SPATA13: variants seen among roughly 807,000 people sequenced by gnomAD.
SPATA13 encodes spermatogenesis-associated protein 13.
Under a neutral mutation model 104.0 loss-of-function variants are expected in SPATA13, and 50 were observed. The ratio of observed to expected loss-of-function variants is 0.48; its 90% CI spans 0.38 to 0.61. SPATA13 has a LOEUF of 0.61. SPATA13 is among the 20% of genes least tolerant of loss of function. The pLI, the probability that SPATA13 is intolerant of heterozygous loss-of-function variation, is 0.00. For synonymous variants in SPATA13, 606 were observed against 667.5 expected, an observed-to-expected ratio of 0.91 and a Z score of 1.42; for missense variants, 1,524 against 1,690.6, an observed-to-expected ratio of 0.90 and a Z score of 1.73.
intron 1 of SPATA13, among the ~76,000 whole-genome samples, chr13:24,189,828 T>G (rs182644975): frequency 0.66 from 24,220 of 36,832 alleles, 10,076 homozygotes; most frequent in Non-Finnish European, 0.91. Flanking sequence ...TAAATATATA[T>G]AAAATGATAT....
Position 24,223,343 on chromosome 13 carries a change from G to A in SPATA13, c.414G>A (p.Glu138=), listed in dbSNP as rs1402262542. ...GGTCAAATGCCTGTTCAAAGGGAGAGGCTTCGGAGCATGGCCTGGGAAAGT... is the reference window on the plus strand; with the variant it reads ...GGTCAAATGCCTGTTCAAAGGGAGAAGCTTCGGAGCATGGCCTGGGAAAGT... ...REGSNACSKG[E]ASEHGLGKSI... The change falls in exon 2 of 13, where the codon GAG becomes GAA. Residue 138 remains glutamate, a synonymous_variant. Coordinates refer to ENST00000382108, the MANE Select transcript of SPATA13 (RefSeq NM_001166271.3). 1 of 1,551,262 alleles carries A rather than the reference G, an allele frequency of 6.4e-7. No homozygotes were observed. The highest frequency in any genetic ancestry group is 8.7e-7 in the Non-Finnish European group (1 of 1,147,002).
In SPATA13 at chr13:24,104,137, A is replaced by T. The variant is rs140466054; in HGVS notation, c.-112+86436A>T. ...TGACACGTTTGAGAATGTCCGTGTC[A>T]GTCTGCTCACCACATGTGTACGTGC... On this transcript the variant is annotated intron_variant, in intron 3 of 14. Transcript: ENST00000424834. Among the ~76,000 whole-genome samples the T allele has an allele frequency of 2.6e-5, 4 of 152,284 alleles. No individual in the cohort carries two copies. The East Asian group carries it at 7.7e-4, about 29-fold the overall frequency.
chr13:24,028,374 A>G (rs1877329879), intron 3 of SPATA13, among the ~76,000 whole-genome samples: 1 of 152,200 alleles, frequency 6.6e-6, no homozygotes, highest in South Asian at 2.1e-4. Flanking sequence ...TTTTGCCATC[A>G]TTCTTGAAAC....
At chr13:24,019,814 G>C (rs2137698368) in intron 3 of SPATA13, among the ~76,000 whole-genome samples, 1 of 152,254 alleles carries the variant, frequency 6.6e-6, no homozygotes, top group East Asian at 1.9e-4. Context: ...TGGTGTTTAG[G>C]AAAAGCTTCT....
chr13:24,156,678 C>T (rs1426108138), upstream of SPATA13, among the ~76,000 whole-genome samples: 1 of 152,216 alleles, frequency 6.6e-6, no homozygotes, highest in Non-Finnish European at 1.5e-5. Context: ...CCATTCTAAT[C>T]AATGATAGCC....
intron 4 of SPATA13, chr13:24,270,699 G>T: frequency 6.7e-7 from 1 of 1,486,006 alleles, no homozygotes; most frequent in African/African-American, 1.4e-5. Context: ...TTTCTGGGCA[G>T]GCTCTGGCCG....
At chr13:24,178,790 G>A (rs944931903) in intron 1 of SPATA13, among the ~76,000 whole-genome samples, 10 of 152,198 alleles carry the variant, frequency 6.6e-5, no homozygotes, top group African/African-American at 2.4e-4. Context: ...AGATCTAATT[G>A]ATATGTAACG....
At chr13:24,172,579 T>C (rs971024443) in intron 1 of SPATA13, among the ~76,000 whole-genome samples, 13 of 152,256 alleles carry the variant, frequency 8.5e-5, no homozygotes, top group Admixed American at 3.3e-4. Flanking sequence ...CCTGTAGATG[T>C]CTAATTGCTC....
intron 4 of SPATA13, among the ~76,000 whole-genome samples, chr13:24,254,131 G>A (rs945481453): frequency 6.6e-6 from 1 of 152,080 alleles, no homozygotes; most frequent in Non-Finnish European, 1.5e-5. Context: ...CATTTTCCGT[G>A]GGTGCTCATT....
chr13:24,102,847 G>A (rs1880301455), intron 3 of SPATA13, among the ~76,000 whole-genome samples: 1 of 152,088 alleles, frequency 6.6e-6, no homozygotes, highest in African/African-American at 2.4e-5. Flanking sequence ...TGGTTTTGGT[G>A]TTATACCCAA....
chr13:24,223,064 T>C lies in SPATA13; in HGVS notation c.135T>C (p.Leu45=). 1 of 1,551,652 alleles carries C rather than the reference T, an allele frequency of 6.4e-7. No individual in the cohort carries two copies. The highest frequency in any genetic ancestry group is 8.7e-7 in the Non-Finnish European group (1 of 1,146,980). Residue 45 remains leucine (L), a synonymous_variant, in exon 2 of 13, where the codon CTT becomes CTC. Coordinates refer to ENST00000382108, the MANE Select transcript of SPATA13 (RefSeq NM_001166271.3). ...DLKDAKMVTS[L]ACGNGVCGCS... ...AAGACGCCAAGATGGTGACCTCCCTTGCGTGTGGAAATGGAGTCTGTGGCT... is the reference window on the plus strand; with the variant it reads ...AAGACGCCAAGATGGTGACCTCCCTCGCGTGTGGAAATGGAGTCTGTGGCT...
At chr13:24,280,128 CA>C (rs1875385851) in intron 4 of SPATA13, among the ~76,000 whole-genome samples, 1 of 152,228 alleles carries the variant, frequency 6.6e-6, no homozygotes, top group Admixed American at 6.5e-5. Context: ...CCTCCCACCT[CA>C]GCCTCCCAAG....
At chr13:24,136,455 A>G (rs1268346885) in intron 3 of SPATA13, among the ~76,000 whole-genome samples, 1 of 152,072 alleles carries the variant, frequency 6.6e-6, no homozygotes, top group Non-Finnish European at 1.5e-5. Flanking sequence ...CAGCCTGGGT[A>G]ACAAGAGTGA....
At chr13:24,089,534 C>T (rs1879847987) in intron 3 of SPATA13, among the ~76,000 whole-genome samples, 1 of 152,158 alleles carries the variant, frequency 6.6e-6, no homozygotes, top group African/African-American at 2.4e-5. Flanking sequence ...TATTACAAAA[C>T]CCCTCTGGGC....
intron 2 of SPATA13, among the ~76,000 whole-genome samples, chr13:24,227,207 A>G (rs994227033): frequency 1.3e-5 from 2 of 152,168 alleles, no homozygotes; most frequent in African/African-American, 2.4e-5. Flanking sequence ...TCCCTAAAAA[A>G]GGATTTGTAT....
rs1220934572 is a variant in SPATA13 at position 24,306,313 on chromosome 13, A to G, written c.*3540A>G. 6.6e-6 allele frequency: 1 copy of G among 152,232 alleles called. No individual in the cohort carries two copies. Among genetic ancestry groups the G allele is most frequent in the Non-Finnish European group, 1.5e-5 (1 of 68,040 alleles). The allele number at this position is 152,232 out of a possible 1,614,324, so 9.4% of individuals were successfully genotyped here. On this transcript the variant is annotated 3_prime_UTR_variant, in exon 13 of 13. Coordinates refer to ENST00000382108, the MANE Select transcript of SPATA13 (RefSeq NM_001166271.3). ...TGCTGATACTCCTTCATGCAGATCA[A>G]CTTGGTGTCCCAGTCAGAATAGAAC...
intron 2 of SPATA13, among the ~76,000 whole-genome samples, chr13:24,003,516 G>T (rs771449772): frequency 1.3e-5 from 2 of 152,170 alleles, no homozygotes; most frequent in Admixed American, 6.5e-5. Flanking sequence ...GCATGTAAAG[G>T]CTTTAAGATA....
At chr13:24,074,002 A>G (rs1879246802) in intron 3 of SPATA13, among the ~76,000 whole-genome samples, 1 of 152,196 alleles carries the variant, frequency 6.6e-6, no homozygotes, top group South Asian at 2.1e-4. Context: ...TCACATTGTA[A>G]TTTACACTTA....
At chr13:24,184,004 C>A (rs1868989565) in intron 1 of SPATA13, among the ~76,000 whole-genome samples, 1 of 152,128 alleles carries the variant, frequency 6.6e-6, no homozygotes, top group African/African-American at 2.4e-5. Context: ...CTGAAACACA[C>A]AGGAAGTGGC....
Sources: gnomAD v4.1 joint callset for allele counts (sites outside exome capture counted in the v4.1 genomes callset) on GRCh38, gnomAD v4.1.1 for gene constraint, MANE v1.5 for transcripts, NCBI Gene and HGNC (gene_info 2026-07-23, HGNC 2026-07-21) for gene names.